LCA5: variants seen among roughly 807,000 people sequenced by gnomAD.
LCA5 encodes lebercilin.
LCA5 carries 37 observed loss-of-function variants against 53.0 expected under a neutral mutation model. The ratio of observed to expected loss-of-function variants is 0.70; its 90% CI spans 0.54 to 0.92. The LOEUF (loss-of-function observed/expected upper bound fraction) is 0.92, where lower values mean the gene tolerates loss of function less well. Ranked by LOEUF, LCA5 falls within the 40% of genes least tolerant of loss-of-function variation. LCA5 has a pLI of 0.00. For missense variants in LCA5, 806 were observed against 790.5 expected, an observed-to-expected ratio of 1.02 and a Z score of -0.23; for synonymous variants, 303 against 282.9, an observed-to-expected ratio of 1.07 and a Z score of -0.71.
chr6:79,502,350 T>C (rs1770164004), intron 3 of LCA5, among the ~76,000 whole-genome samples: 1 of 152,226 alleles, frequency 6.6e-6, no homozygotes, highest in African/African-American at 2.4e-5. Context: ...CCAATAGTTA[T>C]GCTTCCTCTG....
At chr6:79,499,184 GA>G (rs1364187635) in intron 3 of LCA5, among the ~76,000 whole-genome samples, 7 of 152,020 alleles carry the variant, frequency 4.6e-5, no homozygotes, top group Admixed American at 2.0e-4. Flanking sequence ...AAAAGATCCA[GA>G]AGGATACATA....
intron 1 of LCA5, among the ~76,000 whole-genome samples, chr6:79,524,838 A>G (rs1371112974): frequency 1.3e-5 from 2 of 151,892 alleles, no homozygotes; most frequent in Non-Finnish European, 2.9e-5. Context: ...CTTCCTTTCA[A>G]TCTGGAAATC....
At chr6:79,527,153 A>G (rs1766815730) in intron 1 of LCA5, among the ~76,000 whole-genome samples, 1 of 152,182 alleles carries the variant, frequency 6.6e-6, no homozygotes, top group Non-Finnish European at 1.5e-5. Context: ...CAGCCATGCA[A>G]ACAGCTGAAC....
At chr6:79,526,437 G>T (rs1274604832) in intron 1 of LCA5, among the ~76,000 whole-genome samples, 1 of 152,092 alleles carries the variant, frequency 6.6e-6, no homozygotes. Context: ...CCAGCTACTT[G>T]GGAGGCTGAG....
intron 3 of LCA5, among the ~76,000 whole-genome samples, chr6:79,498,927 G>A (rs936769055): frequency 6.6e-6 from 1 of 152,000 alleles, no homozygotes; most frequent in Non-Finnish European, 1.5e-5. Context: ...GATGTCAATA[G>A]TGGAAAAATA....
chr6:79,491,238 A>G (rs1193861433), intron 6 of LCA5, among the ~76,000 whole-genome samples: 2 of 152,068 alleles, frequency 1.3e-5, no homozygotes, highest in African/African-American at 4.8e-5. Context: ...AGCACCTGAA[A>G]TAGGTGATGT....
chr6:79,530,902 C>T (rs537378047), intron 1 of LCA5, among the ~76,000 whole-genome samples: 1 of 151,928 alleles, frequency 6.6e-6, no homozygotes. Context: ...AAACAAATAA[C>T]GATGAGGTAA....
At position 79,513,640 on chromosome 6, in the gene LCA5, C is replaced by G. The variant is rs748471754; in HGVS notation, c.292G>C (p.Asp98His). Reference protein sequence around the residue: ...LNREPLRKDTDLVTKRILSAR... With the variant: ...LNREPLRKDTHLVTKRILSAR... ...GACAGAATCCGTTTTGTAACAAGAT[C>G]AGTATCTTTCCGAAGTGGCTCTCTA... Residue 98 changes from aspartate (D) to histidine (H), a missense_variant, in exon 3 of 8, where the codon GAT becomes CAT. By Grantham distance (81) the Asp-to-His change is moderately conservative. Transcript: ENST00000369846. The G allele has an allele frequency of 6.2e-7, 1 of 1,613,838 alleles. No individual in the cohort carries two copies. Among genetic ancestry groups the G allele is most frequent in the East Asian group, 2.2e-5 (1 of 44,854 alleles).
chr6:79,492,564 T>C lies in LCA5; in HGVS notation c.942A>G (p.Ala314=), dbSNP rs746329577. Residue 314 remains alanine, a synonymous_variant, in exon 5 of 8, where the codon GCA becomes GCG. Coordinates refer to ENST00000369846, the MANE Select transcript of LCA5 (RefSeq NM_001122769.3). ...TATTTACCATACCATTTTTTCTTAA[T>C]GCAAGTTCTTTCTCTTTATTTGGAG... The part of the protein sequence containing the change: ...KSSPNKEKEL[A]LRKNAACQSD... 6.6e-7 allele frequency: 1 copy of C among 1,521,978 alleles called. No individual in the cohort carries two copies. Among genetic ancestry groups the C allele is most frequent in the African/African-American group, 1.4e-5 (1 of 73,054 alleles). 94.3% of individuals were successfully genotyped at this position (1,521,978 alleles called of 1,614,324 possible).
At chr6:79,495,534 A>T (rs1337815980) in intron 3 of LCA5, among the ~76,000 whole-genome samples, 1 of 151,960 alleles carries the variant, frequency 6.6e-6, no homozygotes, top group Non-Finnish European at 1.5e-5. Context: ...GTGGGATCAC[A>T]AGGCCAGGAG....
chr6:79,533,516 A>G (rs1208555763), intron 1 of LCA5, among the ~76,000 whole-genome samples: 1 of 152,052 alleles, frequency 6.6e-6, no homozygotes, highest in Non-Finnish European at 1.5e-5. Context: ...ACATGCTACT[A>G]CAGCAATTAA....
chr6:79,517,971 T>C (rs1582644873), intron 2 of LCA5, among the ~76,000 whole-genome samples: 1 of 152,166 alleles, frequency 6.6e-6, no homozygotes, highest in Non-Finnish European at 1.5e-5. Context: ...CTTTTATTAA[T>C]GGGTACTGTA....
intron 1 of LCA5, among the ~76,000 whole-genome samples, chr6:79,536,210 G>C (rs1475884855): frequency 6.6e-6 from 1 of 152,028 alleles, no homozygotes. Flanking sequence ...TGGAACAACT[G>C]GAAAAAAACA....
Position 79,487,107 on chromosome 6 carries a change from C to T in LCA5, c.1991G>A (p.Ser664Asn), listed in dbSNP as rs763567483. 1 of 1,613,920 alleles carries T rather than the reference C, an allele frequency of 6.2e-7. No individual in the cohort carries two copies. The highest frequency in any genetic ancestry group is 8.5e-7 in the Non-Finnish European group (1 of 1,179,896). ...TAATCGGTGCCTATTTGGATTAAAA[C>T]TTCTTCCTTCACTGAGGAAAAAGCC... ...DEGFFLSEGR[S>N]FNPNRHRLKH... Residue 664 changes from serine to asparagine, a missense_variant, in exon 8 of 8, where the codon AGT becomes AAT. Coordinates refer to ENST00000369846, the MANE Select transcript of LCA5 (RefSeq NM_001122769.3).
At chr6:79,518,443 A>G (rs1766511130) in intron 2 of LCA5, among the ~76,000 whole-genome samples, 1 of 152,170 alleles carries the variant, frequency 6.6e-6, no homozygotes, top group African/African-American at 2.4e-5. Flanking sequence ...GCATTTATTT[A>G]GGAAAAAGAA....
chr6:79,514,625 T>A (rs1478802106), intron 2 of LCA5, among the ~76,000 whole-genome samples: 1 of 152,114 alleles, frequency 6.6e-6, no homozygotes, highest in African/African-American at 2.4e-5. Context: ...TGCTCACCAA[T>A]GATAGACTGG....
chr6:79,524,805 G>A (rs1359227993), intron 1 of LCA5, among the ~76,000 whole-genome samples: 1 of 151,722 alleles, frequency 6.6e-6, no homozygotes, highest in African/African-American at 2.4e-5. Context: ...CTTTTTTGTT[G>A]TGTTGGGACC....
At chr6:79,519,172 A>G in intron 1 of LCA5, 87 bp from the exon 2 acceptor site, 1 of 459,070 alleles carries the variant, frequency 2.2e-6, no homozygotes, top group Non-Finnish European at 4.0e-6. Flanking sequence ...TAAAAGCAAA[A>G]TAATATATAG....
chr6:79,498,965 T>A (rs1445270605), intron 3 of LCA5, among the ~76,000 whole-genome samples: 1 of 152,124 alleles, frequency 6.6e-6, no homozygotes, highest in Non-Finnish European at 1.5e-5. Context: ...AAAATATGAA[T>A]ATTGTTGCAA....
Sources: gnomAD v4.1 joint callset for allele counts (sites outside exome capture counted in the v4.1 genomes callset) on GRCh38, gnomAD v4.1.1 for gene constraint, MANE v1.5 for transcripts, NCBI Gene and HGNC (gene_info 2026-07-23, HGNC 2026-07-21) for gene names.